CELF2: variants seen among roughly 807,000 people sequenced by gnomAD.
CELF2 encodes the protein CUGBP Elav-like family member 2.
CELF2 carries 8 observed loss-of-function variants against 62.6 expected under a neutral mutation model. That is an observed-to-expected ratio of 0.13 (90% CI 0.07 to 0.23). The LOEUF (loss-of-function observed/expected upper bound fraction) is 0.23, where lower values mean the gene tolerates loss of function less well. Among genes scored for constraint, CELF2 ranks in the 10% least tolerant of loss-of-function variants. The probability of loss-of-function intolerance (pLI) is 1.00; values close to 1 mark genes in which losing one functional copy is unlikely to be tolerated. For synonymous variants in CELF2, 258 were observed against 250.0 expected, an observed-to-expected ratio of 1.03 and a Z score of -0.30; for missense variants, 333 against 671.0, an observed-to-expected ratio of 0.50 and a Z score of 5.56.
chr10:10,651,372 G>C, the CELF2 span, among the ~76,000 whole-genome samples: 37 of 148,784 alleles, frequency 2.5e-4, 1 homozygote, highest in South Asian at 8.2e-3. Context: ...ACCCACCACA[G>C]CTCAAGGAGG....
intron 1 of CELF2, chr10:11,030,772 A>C (rs537497236): frequency 6.6e-6 from 1 of 152,294 alleles, no homozygotes; most frequent in African/African-American, 2.4e-5. Flanking sequence ...GCAATCTTCT[A>C]CTTGTTCTGT....
intron 3 of CELF2, 111 bp from the exon 4 acceptor site, chr10:11,249,042 T>C: frequency 1.2e-6 from 1 of 820,148 alleles, no homozygotes; most frequent in Admixed American, 2.0e-5. Context: ...GAAGTCTTGT[T>C]GTCACTTATG....
At position 10,808,891 on chromosome 10, in the gene CELF2, G is replaced by C. The variant is rs1343420293; in HGVS notation, c.53+10074G>C. ...AGAAAGAGAAAACCAAACCAAACTA[G>C]GTTTGAGTCCATACGCTATTGATAT... On this transcript the variant is annotated intron_variant, in intron 1 of 13. Transcript: ENST00000636488. Among the ~76,000 whole-genome samples the C allele has an allele frequency of 1.3e-5, 2 of 152,102 alleles. 1 individual carries two copies. The highest frequency in any genetic ancestry group is 2.9e-5 in the Non-Finnish European group (2 of 68,034).
chr10:11,258,689 A>G (rs7917675), intron 5 of CELF2, among the ~76,000 whole-genome samples: 40,213 of 152,110 alleles, frequency 0.26, 6,564 homozygotes, highest in Non-Finnish European at 0.36. Context: ...GTGGAAATGT[A>G]TATATAAAAT....
At chr10:10,778,091 G>T in the CELF2 span, among the ~76,000 whole-genome samples, 1 of 152,158 alleles carries the variant, frequency 6.6e-6, no homozygotes, top group Non-Finnish European at 1.5e-5. Context: ...CCATATTTTG[G>T]AAAGAGTCCA....
chr10:11,306,780 G>C lies in CELF2; in HGVS notation c.977-7359G>C, dbSNP rs1017388655. On this transcript the variant is annotated intron_variant, in intron 9 of 12. Transcript: ENST00000633077. The surrounding 1 kb of genome is among the most constrained non-coding windows in gnomAD (Gnocchi z 4.4). ...CACCGTCTCCCCAACTTTCTACTGG[G>C]ACCGTCTAAGAACAGCGTAGTAAGA... 3.3e-5 allele frequency among the ~76,000 whole-genome samples: 5 copies of C among 152,046 alleles called. No individual in the cohort carries two copies. The highest frequency in any genetic ancestry group is 6.5e-5 in the Admixed American group (1 of 15,282).
At chr10:10,592,035 C>T in the CELF2 span, among the ~76,000 whole-genome samples, 90 of 152,176 alleles carry the variant, frequency 5.9e-4, no homozygotes, top group African/African-American at 1.8e-3. Context: ...AAAAAAAATC[C>T]GTAATCAACA....
chr10:10,550,480 C>T, the CELF2 span, among the ~76,000 whole-genome samples: 2 of 152,260 alleles, frequency 1.3e-5, no homozygotes, highest in African/African-American at 2.4e-5. Context: ...AAAAGATAAG[C>T]TTTACTGCAA....
intron 9 of CELF2, among the ~76,000 whole-genome samples, chr10:11,293,201 C>T (rs2092744065): frequency 6.6e-6 from 1 of 152,228 alleles, no homozygotes; most frequent in Non-Finnish European, 1.5e-5. Flanking sequence ...TCCCCCATTT[C>T]CTCCCACAAA....
the CELF2 span, among the ~76,000 whole-genome samples, chr10:10,525,568 T>C: frequency 6.6e-6 from 1 of 152,206 alleles, no homozygotes; most frequent in Non-Finnish European, 1.5e-5. Flanking sequence ...TTTTAGATTC[T>C]ACCTGTAAGT....
the CELF2 span, among the ~76,000 whole-genome samples, chr10:10,554,067 T>A: frequency 6.6e-6 from 1 of 152,076 alleles, no homozygotes; most frequent in Non-Finnish European, 1.5e-5. Context: ...CATTGTGTGA[T>A]CCCAGCTGGA....
At chr10:10,611,556 C>A in the CELF2 span, among the ~76,000 whole-genome samples, 2 of 152,164 alleles carry the variant, frequency 1.3e-5, no homozygotes, top group Non-Finnish European at 2.9e-5. Flanking sequence ...TAACTGAGAT[C>A]ATTTCAAATT....
chr10:11,184,323 A>G (rs2074271259), intron 2 of CELF2, among the ~76,000 whole-genome samples: 1 of 152,258 alleles, frequency 6.6e-6, no homozygotes, highest in Admixed American at 6.5e-5. Context: ...TCTTGAAGTC[A>G]GATACTGTTA....
At chr10:10,841,352 A>AAT (rs2132516861) in intron 1 of CELF2, among the ~76,000 whole-genome samples, 1 of 151,654 alleles carries the variant, frequency 6.6e-6, no homozygotes. Context: ...TATCAAAAAA[A>AAT]AAAAACCTCT....
At chr10:10,860,679 C>T (rs1486640540) in intron 1 of CELF2, among the ~76,000 whole-genome samples, 2 of 152,140 alleles carry the variant, frequency 1.3e-5, no homozygotes, top group African/African-American at 4.8e-5. Flanking sequence ...GCACTCAGAA[C>T]CAGGAGAGGT....
chr10:11,296,802 A>T lies in CELF2; in HGVS notation c.976+8250A>T, dbSNP rs1165141191. Among the ~76,000 whole-genome samples the T allele has an allele frequency of 1.3e-5, 2 of 152,226 alleles. No homozygotes were observed. Among genetic ancestry groups the T allele is most frequent in the African/African-American group, 2.4e-5 (1 of 41,452 alleles). On this transcript the variant is annotated intron_variant, in intron 9 of 12. Coordinates refer to ENST00000633077, the MANE Select transcript of CELF2 (RefSeq NM_001326342.2). This position sits in a 1 kb window ranked among gnomAD's most constrained non-coding sequence, Gnocchi z 5.0. Reference sequence around the variant, plus strand: ...GGGAAATTTTAGTAGAAGAGTTGACATTTGAGCCAAAATGTTCAGGGTGGG... The same window carrying T: ...GGGAAATTTTAGTAGAAGAGTTGACTTTTGAGCCAAAATGTTCAGGGTGGG...
At chr10:11,059,209 A>G (rs76132759) in intron 1 of CELF2, among the ~76,000 whole-genome samples, 1 of 152,224 alleles carries the variant, frequency 6.6e-6, no homozygotes, top group Non-Finnish European at 1.5e-5. Context: ...GGCTCATCAC[A>G]TGATGCCATT....
At position 10,939,964 on chromosome 10, in the gene CELF2, G is replaced by T. The variant is rs571196072; in HGVS notation, c.89+19965G>T. ...GCGAGGCTCCATCTCAAAAAATAAA[G>T]AAAAAGAAAAGCCAGTATTGGCAAC... On this transcript the variant is annotated intron_variant, in intron 2 of 13. Coordinates refer to the CELF2 transcript ENST00000636488. Among the ~76,000 whole-genome samples the T allele has an allele frequency of 4.1e-4, 62 of 152,136 alleles. 1 individual carries two copies. Among genetic ancestry groups the T allele is most frequent in the African/African-American group, 1.5e-3 (61 of 41,532 alleles).
intron 2 of CELF2, among the ~76,000 whole-genome samples, chr10:11,190,019 C>T (rs2075933521): frequency 6.6e-6 from 1 of 152,232 alleles, no homozygotes; most frequent in Admixed American, 6.5e-5. Flanking sequence ...TTCTCCATTT[C>T]CTGCACATTT....
Sources: allele counts gnomAD v4.1 joint callset (sites outside exome capture counted in the v4.1 genomes callset), GRCh38; gene constraint gnomAD v4.1.1; non-coding constraint Gnocchi (gnomAD v3.1); transcripts MANE v1.5; gene names NCBI Gene and HGNC (gene_info 2026-07-23, HGNC 2026-07-21).